The following GARIN1A variants were observed in gnomAD, a reference collection of about 807,000 sequenced individuals.
GARIN1A encodes the protein golgi associated RAB2 interactor 1A, also known as Golgi-associated RAB2 interactor protein 1A.
At chr7:128,671,877 T>A in the GARIN1A span, among the ~76,000 whole-genome samples, 47 of 151,820 alleles carry the variant, frequency 3.1e-4, no homozygotes, top group East Asian at 8.3e-3. Context: ...TCCCATGAGA[T>A]GGGGTAGGGA....
At chr7:128,672,630 C>T in the GARIN1A span, 1 of 378,238 alleles carries the variant, frequency 2.6e-6, no homozygotes, top group Non-Finnish European at 4.2e-6. Context: ...GATGCTGTGG[C>T]CTTTTAAAGC....
chr7:128,684,461 C>T, the GARIN1A span: 1 of 151,994 alleles, frequency 6.6e-6, no homozygotes, highest in Admixed American at 6.6e-5. Context: ...ACCCAAAATA[C>T]AAAAATTAGC....
chr7:128,706,212 C>G, the GARIN1A span, among the ~76,000 whole-genome samples: 1 of 152,158 alleles, frequency 6.6e-6, no homozygotes, highest in African/African-American at 2.4e-5. Flanking sequence ...TGAGCACTTC[C>G]TTCCTTTCTG....
At chr7:128,672,345 G>A in the GARIN1A span, 1 of 1,493,394 alleles carries the variant, frequency 6.7e-7, no homozygotes, top group South Asian at 1.2e-5. Flanking sequence ...GCATTGGGCT[G>A]GGTCGGCGTG....
chr7:128,695,422 T>A, the GARIN1A span, among the ~76,000 whole-genome samples: 1 of 152,350 alleles, frequency 6.6e-6, no homozygotes, highest in Non-Finnish European at 1.5e-5. This position sits in a 1 kb window ranked among gnomAD's most constrained non-coding sequence, Gnocchi z 4.5. Context: ...AATCTGCATC[T>A]CCCCGGAATG....
At chr7:128,679,790 G>A in the GARIN1A span, among the ~76,000 whole-genome samples, 46 of 152,270 alleles carry the variant, frequency 3.0e-4, 1 homozygote, top group South Asian at 8.9e-3. Flanking sequence ...GCCTCTGAAC[G>A]TTCAGATCTG....
chr7:128,696,008 C>CTT, the GARIN1A span, among the ~76,000 whole-genome samples: 50 of 80,118 alleles, frequency 6.2e-4, no homozygotes, highest in African/African-American at 1.1e-3. Context: ...TCCTAACTTC[C>CTT]TTTTTTTTTT....
the GARIN1A span, chr7:128,675,772 T>C: frequency 1.2e-5 from 20 of 1,613,626 alleles, 1 homozygote; most frequent in South Asian, 2.1e-4. Flanking sequence ...CTCCCCAATG[T>C]CCTCCTGATG....
the GARIN1A span, among the ~76,000 whole-genome samples, chr7:128,696,994 T>G: frequency 6.6e-6 from 1 of 152,218 alleles, no homozygotes; most frequent in African/African-American, 2.4e-5. Flanking sequence ...CAAGGGAAGA[T>G]GGTACTTTGG....
At chr7:128,684,028 T>G in the GARIN1A span, 1 of 150,058 alleles carries the variant, frequency 6.7e-6, no homozygotes, top group Admixed American at 6.7e-5. Flanking sequence ...TCCAATCACC[T>G]CCCACCAGGC....
At chr7:128,698,788 TG>T in the GARIN1A span, among the ~76,000 whole-genome samples, 9 of 152,114 alleles carry the variant, frequency 5.9e-5, no homozygotes, top group African/African-American at 2.2e-4. Context: ...TTTGCTGTGT[TG>T]GGGGGCAGGC....
the GARIN1A span, among the ~76,000 whole-genome samples, chr7:128,699,857 T>A: frequency 6.6e-6 from 1 of 152,244 alleles, no homozygotes; most frequent in Non-Finnish European, 1.5e-5. Context: ...TGCAGTTCTG[T>A]CAATTTCGCT....
chr7:128,677,359 T>G, the GARIN1A span, among the ~76,000 whole-genome samples: 1 of 150,958 alleles, frequency 6.6e-6, no homozygotes, highest in South Asian at 2.1e-4. Flanking sequence ...TATAAAAAAT[T>G]AGCCGGGCGT....
chr7:128,699,921 G>C, the GARIN1A span, among the ~76,000 whole-genome samples: 2 of 151,856 alleles, frequency 1.3e-5, no homozygotes, highest in African/African-American at 4.8e-5. Flanking sequence ...TTATGTTCCT[G>C]GTGAATTGAA....
At chr7:128,682,925 T>A in the GARIN1A span, 1 of 1,458,362 alleles carries the variant, frequency 6.9e-7, no homozygotes, top group Non-Finnish European at 9.2e-7. Context: ...TTTTCTTCTA[T>A]TGCTTTCAAT....
the GARIN1A span, among the ~76,000 whole-genome samples, chr7:128,704,461 C>A: frequency 1.3e-5 from 2 of 152,080 alleles, no homozygotes; most frequent in African/African-American, 4.8e-5. Context: ...TGTGCCACCA[C>A]ACCTGGCTAA....
chr7:128,684,677 C>G, the GARIN1A span: 1 of 149,766 alleles, frequency 6.7e-6, no homozygotes, highest in Non-Finnish European at 1.5e-5. Context: ...TAGTGTAAAG[C>G]TATGAAGGCT....
the GARIN1A span, among the ~76,000 whole-genome samples, chr7:128,699,001 G>A: frequency 1.3e-5 from 2 of 152,086 alleles, no homozygotes; most frequent in East Asian, 1.9e-4. Context: ...TTGACTTCTC[G>A]TGAGGGCTCT....
At chr7:128,689,511 G>T in the GARIN1A span, among the ~76,000 whole-genome samples, 3 of 148,248 alleles carry the variant, frequency 2.0e-5, no homozygotes, top group South Asian at 2.1e-4. Flanking sequence ...GAGCCCCTCC[G>T]CCCGGCAGCC....
Sources: allele counts gnomAD v4.1 joint callset (sites outside exome capture counted in the v4.1 genomes callset), GRCh38; gene constraint gnomAD v4.1.1; non-coding constraint Gnocchi (gnomAD v3.1); transcripts MANE v1.5; gene names NCBI Gene and HGNC (gene_info 2026-07-23, HGNC 2026-07-21).